The following LYRM1 variants were observed in gnomAD, a reference collection of about 807,000 sequenced individuals.
The protein encoded by LYRM1 is LYR motif containing 1.
Under a neutral mutation model 14.9 loss-of-function variants are expected in LYRM1, and 14 were observed. The observed-to-expected ratio is 0.94, with a 90% CI of 0.62 to 1.47. The LOEUF (loss-of-function observed/expected upper bound fraction) is 1.47. LYRM1 is among the 40% of genes most tolerant of loss of function. LYRM1 has a pLI of 0.00. For missense variants in LYRM1, 153 were observed against 149.9 expected, an observed-to-expected ratio of 1.02 and a Z score of -0.11; for synonymous variants, 43 against 56.2, an observed-to-expected ratio of 0.77 and a Z score of 1.05.
chr16:20,904,490 C>A (rs1378366915), intron 1 of LYRM1, among the ~76,000 whole-genome samples: 2 of 152,130 alleles, frequency 1.3e-5, no homozygotes, highest in African/African-American at 4.8e-5. Flanking sequence ...CCTCCCTGCC[C>A]CCTATTGCTG....
At chr16:20,907,955 C>G (rs2082404054) in intron 1 of LYRM1, among the ~76,000 whole-genome samples, 1 of 152,146 alleles carries the variant, frequency 6.6e-6, no homozygotes, top group Non-Finnish European at 1.5e-5. Flanking sequence ...TTATTTATCA[C>G]TGTATCCCCA....
At position 20,915,692 on chromosome 16, in the gene LYRM1, C is replaced by T. The variant is rs772943671; in HGVS notation, c.137C>T (p.Thr46Met). ...EKQYILNEARTLFRKNKNLTD... is the reference protein window; with the variant it reads ...EKQYILNEARMLFRKNKNLTD... ...CAGTACATACTAAATGAAGCCAGAA[C>T]GCTGTTCCGGAAAAACAAAAATGTA... The change falls in exon 2 of 4, where the codon ACG (threonine) becomes ATG (methionine). Residue 46 changes from threonine to methionine, a missense_variant. By Grantham distance (81) the Thr-to-Met change is moderately conservative. Coordinates refer to ENST00000567954, the MANE Select transcript of LYRM1 (RefSeq NM_001128302.3). The T allele has an allele frequency of 1.4e-5, 22 of 1,613,916 alleles. No individual in the cohort carries two copies. Among genetic ancestry groups the T allele is most frequent in the Middle Eastern group, 3.3e-4 (2 of 6,074 alleles).
intron 3 of LYRM1, among the ~76,000 whole-genome samples, chr16:20,922,368 C>G (rs1453882387): frequency 6.6e-6 from 1 of 151,944 alleles, no homozygotes; most frequent in South Asian, 2.1e-4. Flanking sequence ...GAAACAGAAC[C>G]AGTAGAATGA....
At chr16:20,922,259 G>A (rs2083233158) in intron 3 of LYRM1, among the ~76,000 whole-genome samples, 1 of 151,876 alleles carries the variant, frequency 6.6e-6, no homozygotes, top group African/African-American at 2.4e-5. Context: ...TAAAGTGCTG[G>A]GATTATAGGT....
intron 1 of LYRM1, among the ~76,000 whole-genome samples, chr16:20,911,745 A>G (rs1185917144): frequency 1.3e-5 from 2 of 151,508 alleles, no homozygotes; most frequent in East Asian, 1.9e-4. Context: ...AAAAAAGGAG[A>G]GGGGGGGCTG....
chr16:20,910,026 T>G (rs1596720981), intron 1 of LYRM1, among the ~76,000 whole-genome samples: 3 of 152,014 alleles, frequency 2.0e-5, no homozygotes, highest in African/African-American at 4.8e-5. Flanking sequence ...CCCAACCCAA[T>G]GGGTGTGAGG....
At chr16:20,918,307 G>T (rs2083010475) in intron 2 of LYRM1, among the ~76,000 whole-genome samples, 1 of 152,164 alleles carries the variant, frequency 6.6e-6, no homozygotes, top group Non-Finnish European at 1.5e-5. Context: ...GCCTCGGCTT[G>T]GATTGGCTCG....
intron 1 of LYRM1, among the ~76,000 whole-genome samples, chr16:20,914,599 G>C (rs1417225162): frequency 6.6e-6 from 1 of 151,982 alleles, no homozygotes; most frequent in African/African-American, 2.4e-5. Context: ...ACCACGCCTG[G>C]CCTCACATTT....
intron 1 of LYRM1, among the ~76,000 whole-genome samples, chr16:20,905,893 A>G (rs888537662): frequency 1.6e-4 from 24 of 152,178 alleles, no homozygotes; most frequent in African/African-American, 3.6e-4. Context: ...TAACCCTTCA[A>G]TGCTCTGGGA....
intron 3 of LYRM1, 114 bp from the exon 4 acceptor site, chr16:20,923,886 A>G: frequency 1.7e-6 from 1 of 597,842 alleles, no homozygotes; most frequent in Non-Finnish European, 3.0e-6. Context: ...TTAATGAATC[A>G]ATGTAGATAC....
chr16:20,911,483 G>A (rs1031646440), intron 1 of LYRM1, among the ~76,000 whole-genome samples: 3 of 152,102 alleles, frequency 2.0e-5, no homozygotes, highest in Non-Finnish European at 4.4e-5. Flanking sequence ...AGCAAGCAGT[G>A]AGCAGCTTAC....
rs144978715 is a variant in LYRM1 at position 20,913,954 on chromosome 16, A to G, written c.1-1602A>G. Among the ~76,000 whole-genome samples the G allele has an allele frequency of 9.9e-5, 15 of 151,956 alleles. No individual in the cohort carries two copies. In the East Asian group the frequency reaches 2.3e-3, roughly 24 times the overall value. On this transcript the variant is annotated intron_variant, in intron 1 of 3. Transcript: ENST00000567954. ...CTTCTGAGTAGCTGGGACGATAGGC[A>G]CTCACCACAACGCCCAGCTAATTTT...
At chr16:20,919,729 C>T (rs1264600179) in intron 2 of LYRM1, among the ~76,000 whole-genome samples, 1 of 152,100 alleles carries the variant, frequency 6.6e-6, no homozygotes, top group East Asian at 1.9e-4. Flanking sequence ...CATGAAAAAG[C>T]AAGGTTCAGA....
At chr16:20,913,235 G>A (rs1320112705) in intron 1 of LYRM1, among the ~76,000 whole-genome samples, 2 of 151,534 alleles carry the variant, frequency 1.3e-5, no homozygotes, top group Non-Finnish European at 2.9e-5. Flanking sequence ...GTACAGTGGG[G>A]GTTTCTACTG....
At chr16:20,902,960 G>A (rs1371139455) in intron 1 of LYRM1, among the ~76,000 whole-genome samples, 2 of 152,118 alleles carry the variant, frequency 1.3e-5, no homozygotes, top group South Asian at 4.2e-4. Flanking sequence ...CCACAATTAC[G>A]ATCAGTTCCA....
intron 1 of LYRM1, among the ~76,000 whole-genome samples, chr16:20,914,646 C>T (rs1345795229): frequency 2.0e-5 from 3 of 151,982 alleles, no homozygotes. Context: ...TTTGAGATGT[C>T]ATATTTTTAA....
At chr16:20,916,272 G>A (rs1451975178) in intron 2 of LYRM1, among the ~76,000 whole-genome samples, 1 of 152,070 alleles carries the variant, frequency 6.6e-6, no homozygotes, top group Non-Finnish European at 1.5e-5. Flanking sequence ...GCTGGTTTAA[G>A]GGAACTGCAC....
At chr16:20,915,482 A>C in intron 1 of LYRM1, 74 bp from the exon 2 acceptor site, 1 of 1,173,842 alleles carries the variant, frequency 8.5e-7, no homozygotes, top group Non-Finnish European at 1.2e-6. Context: ...AAAAAACTGT[A>C]CATCTGCCTG....
chr16:20,924,048 C>A lies in LYRM1; in HGVS notation c.301C>A (p.Arg101=), dbSNP rs754707886. ...GLTPLRGRGL[R]SQEKLRKLSK... ...TACCCCACTCCGAGGCCGGGGACTT[C>A]GAAGCCAAGAGAAACTGAGGAAACT... The change falls in exon 4 of 4, where the codon CGA becomes AGA. Residue 101 remains arginine, a synonymous_variant. Transcript: ENST00000567954. 1 of 1,613,494 alleles carries A rather than the reference C, an allele frequency of 6.2e-7. No homozygotes were observed. The highest frequency in any genetic ancestry group is 1.3e-5 in the African/African-American group (1 of 74,898).
Sources: allele counts gnomAD v4.1 joint callset (sites outside exome capture counted in the v4.1 genomes callset), GRCh38; gene constraint gnomAD v4.1.1; transcripts MANE v1.5; gene names NCBI Gene and HGNC (gene_info 2026-07-23, HGNC 2026-07-21).